Variants in IRAG1 observed in about 807,000 individuals in gnomAD.
The protein encoded by IRAG1 is inositol 1,4,5-triphosphate receptor associated 1, also known as IP3R-associated cGMP kinase substrate.
IRAG1 carries 62 observed loss-of-function variants against 106.2 expected under a neutral mutation model. The observed-to-expected ratio is 0.58, with a 90% confidence interval of 0.48 to 0.72. The LOEUF (loss-of-function observed/expected upper bound fraction) is 0.72, where lower values mean the gene tolerates loss of function less well. Among genes scored for constraint, IRAG1 ranks in the 30% least tolerant of loss-of-function variants. IRAG1 has a pLI of 0.00. For synonymous variants in IRAG1, 462 were observed against 443.9 expected (o/e 1.04, Z -0.51); for missense variants, 1,064 against 1,140.7 (o/e 0.93, Z 0.97).
intron 1 of IRAG1, among the ~76,000 whole-genome samples, chr11:10,673,862 G>C (rs1331281776): frequency 6.6e-6 from 1 of 152,182 alleles, no homozygotes; most frequent in Admixed American, 6.5e-5. Context: ...AACAGGTTGA[G>C]GGAAAGAGAT....
chr11:10,612,509 C>G (rs1855052199), intron 10 of IRAG1, among the ~76,000 whole-genome samples: 1 of 152,020 alleles, frequency 6.6e-6, no homozygotes, highest in Admixed American at 6.6e-5. Flanking sequence ...GAGATCCCAG[C>G]TAAGGTAGGA....
intron 2 of IRAG1, among the ~76,000 whole-genome samples, chr11:10,639,864 T>C (rs1235766283): frequency 6.6e-6 from 1 of 152,178 alleles, no homozygotes; most frequent in African/African-American, 2.4e-5. Context: ...CAGATTCTGT[T>C]TGGCGTCCAA....
intron 18 of IRAG1, among the ~76,000 whole-genome samples, chr11:10,583,279 A>T (rs1851578195): frequency 6.6e-6 from 1 of 152,206 alleles, no homozygotes; most frequent in African/African-American, 2.4e-5. Context: ...ACCCAGGACC[A>T]AGTCATGAGG....
In IRAG1 at chr11:10,628,106, G is replaced by GATT; in HGVS notation, c.653-82_653-81insAAT. On this transcript the variant is annotated intron_variant, in intron 6 of 20. Transcript: ENST00000423302. The surrounding 1 kb of genome is among the most constrained non-coding windows in gnomAD (Gnocchi z 4.1). ...GCTTTCAGCCACATCTCCCTCCCCG[G>GATT]GCTATCCTCCCTTTGCAATCTCAGG... The GATT allele has an allele frequency of 6.8e-7, 1 of 1,467,098 alleles. No individual in the cohort carries two copies. The highest frequency in any genetic ancestry group is 1.2e-5 in the South Asian group (1 of 84,722). The allele number at this position is 1,467,098 out of a possible 1,614,324, so 90.9% of individuals were successfully genotyped here. A position where few individuals can be genotyped will look rare whatever the true frequency, so the allele number is the denominator to read the frequency against.
intron 3 of IRAG1, among the ~76,000 whole-genome samples, chr11:10,632,517 A>T (rs1162643152): frequency 6.6e-6 from 1 of 152,114 alleles, no homozygotes; most frequent in African/African-American, 2.4e-5. Context: ...AAGTCATCCT[A>T]GAACATCATC....
At chr11:10,651,441 T>C (rs932111963) in intron 2 of IRAG1, among the ~76,000 whole-genome samples, 1 of 152,260 alleles carries the variant, frequency 6.6e-6, no homozygotes, top group African/African-American at 2.4e-5. Context: ...CAACATTTTA[T>C]TCTTTCTTCA....
chr11:10,636,442 G>A (rs938179980), intron 2 of IRAG1, among the ~76,000 whole-genome samples: 3 of 152,190 alleles, frequency 2.0e-5, no homozygotes, highest in Non-Finnish European at 1.5e-5. Flanking sequence ...CTCTGAAGGT[G>A]CTGGGATTAA....
At position 10,574,803 on chromosome 11, in the gene IRAG1, A is replaced by G. The variant is rs1276663532; in HGVS notation, c.*1529T>C. ...TAGGAGACCATCAGAAGAGTCAAGG[A>G]GAGCACAGCTCTGGAGCCAGCCTAC... On this transcript the variant is annotated 3_prime_UTR_variant, in exon 21 of 21. Transcript: ENST00000423302. The G allele has an allele frequency of 6.6e-6, 1 of 152,228 alleles. No individual in the cohort carries two copies. Among genetic ancestry groups the G allele is most frequent in the Non-Finnish European group, 1.5e-5 (1 of 68,052 alleles). The allele number at this position is 152,228 out of a possible 1,614,324, so 9.4% of individuals were successfully genotyped here.
chr11:10,685,520 C>CA (rs978944088), intron 1 of IRAG1, among the ~76,000 whole-genome samples: 29 of 151,914 alleles, frequency 1.9e-4, no homozygotes, highest in African/African-American at 6.5e-4. Flanking sequence ...TTGAGACCAG[C>CA]ATGGGCAACA....
intron 2 of IRAG1, among the ~76,000 whole-genome samples, chr11:10,643,732 C>A (rs1857721404): frequency 6.6e-6 from 1 of 152,184 alleles, no homozygotes; most frequent in Non-Finnish European, 1.5e-5. Flanking sequence ...ACCTTTCCAT[C>A]CATCCATCCC....
intron 1 of IRAG1, among the ~76,000 whole-genome samples, chr11:10,656,732 G>C (rs1022257024): frequency 5.3e-5 from 8 of 152,128 alleles, no homozygotes; most frequent in African/African-American, 1.9e-4. Flanking sequence ...ACCTGCTCAA[G>C]ATCACACAGC....
At chr11:10,593,336 T>C (rs777371282) in intron 17 of IRAG1, 156 bp downstream of exon 17, 3 of 576,510 alleles carry the variant, frequency 5.2e-6, no homozygotes, top group South Asian at 4.1e-5. Flanking sequence ...CTGGTGTATA[T>C]TGAGTTTTTG....
At chr11:10,680,406 AAAG>A (rs1564942684) in intron 1 of IRAG1, among the ~76,000 whole-genome samples, 2 of 143,064 alleles carry the variant, frequency 1.4e-5, no homozygotes, top group Non-Finnish European at 3.0e-5. Flanking sequence ...GGAAGGAAGG[AAAG>A]AAAGGGAAAG....
intron 7 of IRAG1, 26 bp downstream of exon 7, chr11:10,627,947 G>A (rs1311178406): frequency 3.8e-6 from 6 of 1,594,464 alleles, no homozygotes; most frequent in Non-Finnish European, 4.3e-6. Flanking sequence ...CATAGAAACA[G>A]CACAGCAGGT....
At chr11:10,634,753 T>TTGTGTGTGTGTG (rs57266330) in intron 2 of IRAG1, among the ~76,000 whole-genome samples, 8,741 of 144,926 alleles carry the variant, frequency 0.06, 400 homozygotes, top group African/African-American at 0.1. Flanking sequence ...AATAATATTC[T>TTGTGTGTGTGTG]TGTGTGTGTG....
intron 18 of IRAG1, among the ~76,000 whole-genome samples, chr11:10,582,348 A>AAAGAT (rs1851480400): frequency 6.6e-6 from 1 of 152,156 alleles, no homozygotes; most frequent in South Asian, 2.1e-4. Flanking sequence ...CTTTCACCTG[A>AAAGAT]AGACCCCCAC....
intron 18 of IRAG1, among the ~76,000 whole-genome samples, chr11:10,585,515 TCAAA>T (rs1460435043): frequency 1.3e-5 from 2 of 151,258 alleles, no homozygotes; most frequent in African/African-American, 4.8e-5. Flanking sequence ...TTCATATCTG[TCAAA>T]CAGAGAACAG....
Position 10,658,500 on chromosome 11 carries a change from A to G in IRAG1, c.68-6318T>C, listed in dbSNP as rs1859117881. ...GGGCAGCTGAGTTCTCTAAGCATGC[A>G]CAGCATCAACAAAACCAAGCCAAGG... On this transcript the variant is annotated intron_variant, in intron 1 of 20. Transcript: ENST00000423302. The G allele has an allele frequency of 2.6e-5, 4 of 154,708 alleles. No homozygotes were observed. In the Admixed American group the frequency reaches 2.6e-4, roughly 10 times the overall value. 9.6% of individuals were successfully genotyped at this position (154,708 alleles called of 1,614,324 possible).
intron 1 of IRAG1, among the ~76,000 whole-genome samples, chr11:10,678,827 T>C (rs926913207): frequency 3.3e-5 from 5 of 152,140 alleles, no homozygotes; most frequent in Non-Finnish European, 7.3e-5. Context: ...AGACCAATGT[T>C]TACCTTTTCT....
Sources: gnomAD v4.1 joint callset for allele counts (sites outside exome capture counted in the v4.1 genomes callset) on GRCh38, gnomAD v4.1.1 for gene constraint, Gnocchi (gnomAD v3.1) non-coding constraint, MANE v1.5 for transcripts, NCBI Gene and HGNC (gene_info 2026-07-23, HGNC 2026-07-21) for gene names.